The following ANKFY1 variants were observed in gnomAD, a reference collection of about 807,000 sequenced individuals.
ANKFY1 encodes ankyrin repeat and FYVE domain-containing protein 1.
ANKFY1 carries 47 observed loss-of-function variants against 128.3 expected under a neutral mutation model. That is an observed-to-expected ratio of 0.37 (90% confidence interval 0.29 to 0.47). ANKFY1 has a LOEUF of 0.47. Among genes scored for constraint, ANKFY1 ranks in the 20% least tolerant of loss-of-function variants. The pLI is 1.00. For missense variants in ANKFY1, 1,222 were observed against 1,510.6 expected (o/e 0.81, Z 3.17); for synonymous variants, 553 against 601.6 (o/e 0.92, Z 1.18).
In ANKFY1 at chr17:4,242,434, A is replaced by C; in HGVS notation, c.25T>G (p.Leu9Val). The part of the protein sequence containing the change: MAEEEVAK[L>V]EKHLMLLRQE... ...CGCAGAAGCATCAAGTGCTTCTCCA[A>C]CTTGGCCACCTCCTCTGCAAGGAAA... is the stretch of plus-strand genomic sequence containing the variant. The change falls in exon 2 of 25, where the codon TTG (leucine) becomes GTG (valine). Residue 9 changes from leucine to valine, a missense_variant. By Grantham distance (32) the Leu-to-Val change is conservative (BLOSUM62 1). Coordinates refer to ENST00000341657, the MANE Select transcript of ANKFY1 (RefSeq NM_001330063.2). 6.4e-7 allele frequency: 1 copy of C among 1,556,924 alleles called. No individual in the cohort carries two copies. Among genetic ancestry groups the C allele is most frequent in the South Asian group, 1.2e-5 (1 of 82,842 alleles).
At chr17:4,180,729 C>G (rs1187469755) in intron 16 of ANKFY1, among the ~76,000 whole-genome samples, 1 of 127,210 alleles carries the variant, frequency 7.9e-6, no homozygotes, top group Non-Finnish European at 1.6e-5. Flanking sequence ...CCACTGCACT[C>G]TAGCCTGGGT....
rs545869398 is a variant in ANKFY1 at position 4,254,620 on chromosome 17, G to A, written c.10+9312C>T. Among the ~76,000 whole-genome samples the A allele has an allele frequency of 3.3e-5, 5 of 152,268 alleles. No individual in the cohort carries two copies. The East Asian group carries it at 9.6e-4, about 29-fold the overall frequency. ...CGTTTCTGTTGTTTTAAGCCATCTA[G>A]CTTGTGGAAATCTGTTACAGCAGCC... On this transcript the variant is annotated intron_variant, in intron 1 of 24. Transcript: ENST00000341657.
In ANKFY1 at chr17:4,186,923, A is replaced by G. The variant is rs2059622427; in HGVS notation, c.1471-1877T>C. ...AATGTGTAGAAATTCAAAAATCACA[A>G]TGGAATTTATTCCCACACACAGGCT... is the stretch of plus-strand genomic sequence containing the variant. On this transcript the variant is annotated intron_variant, in intron 11 of 24. Coordinates refer to ENST00000341657, the MANE Select transcript of ANKFY1 (RefSeq NM_001330063.2). The G allele has an allele frequency of 3.5e-6, 4 of 1,134,618 alleles. No homozygotes were observed. In the African/African-American group the frequency reaches 4.8e-5, roughly 14 times the overall value. 70.3% of individuals were successfully genotyped at this position (1,134,618 alleles called of 1,614,324 possible).
intron 22 of ANKFY1, among the ~76,000 whole-genome samples, chr17:4,172,003 G>A (rs1253961810): frequency 7.2e-5 from 11 of 152,132 alleles, no homozygotes; most frequent in African/African-American, 2.2e-4. Flanking sequence ...TGAGGCTGCC[G>A]TGAGTCCTCG....
intron 10 of ANKFY1, among the ~76,000 whole-genome samples, chr17:4,191,498 G>A (rs2059716801): frequency 6.6e-6 from 1 of 151,442 alleles, no homozygotes; most frequent in Non-Finnish European, 1.5e-5. Context: ...GAGACTCTTA[G>A]TTGATGGTTG....
At position 4,206,385 on chromosome 17, in the gene ANKFY1, G is replaced by T; in HGVS notation, c.834C>A (p.His278Gln). ...TGTCCACCATGTCCACATCAGCTTT[G>T]TGACTAACCAGCGTGGTGGCAATAC... Reference protein sequence around the residue: ...LESIATTLVSHKADVDMVDKS... With the variant: ...LESIATTLVSQKADVDMVDKS... Residue 278 changes from histidine (H) to glutamine (Q), a missense_variant, in exon 7 of 25, where the codon CAC (histidine) becomes CAA (glutamine). Transcript: ENST00000341657. The T allele has an allele frequency of 1.2e-6, 2 of 1,614,168 alleles. No homozygotes were observed. Among genetic ancestry groups the T allele is most frequent in the Non-Finnish European group, 1.7e-6 (2 of 1,180,032 alleles).
At chr17:4,254,358 C>T (rs1463468392) in intron 1 of ANKFY1, among the ~76,000 whole-genome samples, 3 of 149,872 alleles carry the variant, frequency 2.0e-5, no homozygotes, top group Non-Finnish European at 4.4e-5. Context: ...GAGTCTGACC[C>T]ACTCAGAGTA....
At position 4,181,513 on chromosome 17, in the gene ANKFY1, T is replaced by C. The variant is rs1230080476; in HGVS notation, c.2122-141A>G. 3 of 652,286 alleles carry C rather than the reference T, an allele frequency of 4.6e-6. No individual in the cohort carries two copies. The highest frequency in any genetic ancestry group is 8.1e-6 in the Non-Finnish European group (3 of 371,112). 40.4% of individuals were successfully genotyped at this position (652,286 alleles called of 1,614,324 possible). ...TAATAAATTGATAATTACTTTAATC[T>C]GTATCACTCATTATTTTACAAACAC... On this transcript the variant is annotated intron_variant, in intron 15 of 24. Coordinates refer to ENST00000341657, the MANE Select transcript of ANKFY1 (RefSeq NM_001330063.2). This position sits in a 1 kb window ranked among gnomAD's most constrained non-coding sequence, Gnocchi z 4.9.
chr17:4,226,870 GT>G (rs1432674174), intron 3 of ANKFY1, among the ~76,000 whole-genome samples: 1 of 151,776 alleles, frequency 6.6e-6, no homozygotes, highest in Non-Finnish European at 1.5e-5. Context: ...GAAAAAAAGA[GT>G]GAGAACATAA....
chr17:4,238,368 T>C (rs1484940755), intron 2 of ANKFY1, among the ~76,000 whole-genome samples: 1 of 152,176 alleles, frequency 6.6e-6, no homozygotes, highest in Non-Finnish European at 1.5e-5. Context: ...TCAGTTTCAG[T>C]TACCACATCT....
intron 1 of ANKFY1, among the ~76,000 whole-genome samples, chr17:4,256,138 C>T (rs1968104414): frequency 6.6e-6 from 1 of 151,482 alleles, no homozygotes; most frequent in South Asian, 2.1e-4. Flanking sequence ...TGTTTAAAAG[C>T]TCCCAGGTGG....
chr17:4,212,564 A>G (rs2060151864), intron 4 of ANKFY1, among the ~76,000 whole-genome samples: 9 of 152,206 alleles, frequency 5.9e-5, no homozygotes, highest in Admixed American at 5.9e-4. Flanking sequence ...TCCTTTACTA[A>G]GGAAAAATCA....
intron 2 of ANKFY1, among the ~76,000 whole-genome samples, chr17:4,240,676 G>A (rs546086511): frequency 4.3e-4 from 65 of 152,346 alleles, no homozygotes; most frequent in African/African-American, 1.4e-3. Flanking sequence ...ACAGGCATGC[G>A]CCACTGCGCC....
chr17:4,248,493 C>T (rs190402737), intron 1 of ANKFY1, among the ~76,000 whole-genome samples: 1 of 152,330 alleles, frequency 6.6e-6, no homozygotes, highest in East Asian at 1.9e-4. Context: ...GGACCACTGT[C>T]AGAGAAGTAC....
chr17:4,214,882 C>G (rs2060194994), intron 4 of ANKFY1, among the ~76,000 whole-genome samples: 1 of 152,158 alleles, frequency 6.6e-6, no homozygotes, highest in African/African-American at 2.4e-5. Context: ...TTACAAATGA[C>G]TTTTTTCTTT....
chr17:4,183,275 G>T, intron 14 of ANKFY1, 123 bp downstream of exon 14: 1 of 1,170,268 alleles, frequency 8.5e-7, no homozygotes, highest in Non-Finnish European at 1.2e-6. Flanking sequence ...TGTTTCTAGA[G>T]CTACTGTTTC....
chr17:4,247,323 T>C (rs559264561), intron 1 of ANKFY1, among the ~76,000 whole-genome samples: 1 of 152,138 alleles, frequency 6.6e-6, no homozygotes, highest in East Asian at 1.9e-4. Flanking sequence ...CCAGTCTCTC[T>C]ACAGAATTCC....
intron 1 of ANKFY1, among the ~76,000 whole-genome samples, chr17:4,253,076 C>T (rs1386165358): frequency 2.6e-5 from 4 of 152,094 alleles, no homozygotes; most frequent in Non-Finnish European, 4.4e-5. Flanking sequence ...AAAAATTAGC[C>T]GGACCAGGGT....
At chr17:4,171,927 T>G (rs1336989091) in intron 22 of ANKFY1, among the ~76,000 whole-genome samples, 1 of 152,152 alleles carries the variant, frequency 6.6e-6, no homozygotes, top group South Asian at 2.1e-4. Context: ...GACATCTGGT[T>G]TTGCTTTATG....
Sources: allele counts gnomAD v4.1 joint callset (sites outside exome capture counted in the v4.1 genomes callset), GRCh38; gene constraint gnomAD v4.1.1; non-coding constraint Gnocchi (gnomAD v3.1); transcripts MANE v1.5; gene names NCBI Gene and HGNC (gene_info 2026-07-23, HGNC 2026-07-21).